GALK1: variants seen among roughly 807,000 people sequenced by gnomAD.
The protein encoded by GALK1 is galactokinase.
GALK1 carries 30 observed loss-of-function variants against 38.6 expected under a neutral mutation model. The observed-to-expected ratio is 0.78, with a 90% confidence interval of 0.58 to 1.05. The LOEUF is 1.05. Among genes scored for constraint, GALK1 ranks in the 50% least tolerant of loss-of-function variants. GALK1 has a pLI of 0.00. For missense variants in GALK1, 512 were observed against 540.5 expected, an observed-to-expected ratio of 0.95 and a Z score of 0.52; for synonymous variants, 240 against 233.6, an observed-to-expected ratio of 1.03 and a Z score of -0.25.
At position 75,765,003 on chromosome 17, in the gene GALK1, G is replaced by C. The variant is rs376599506; in HGVS notation, c.134C>G (p.Thr45Arg). Residue 45 changes from threonine to arginine, a missense_variant, in exon 1 of 8, where the codon ACG (threonine) becomes AGG (arginine). By Grantham distance (71) the Thr-to-Arg change is moderately conservative (BLOSUM62 -1). Coordinates refer to ENST00000588479, the MANE Select transcript of GALK1 (RefSeq NM_000154.2). ...CAGCACCAGGCCCTGGTTGTAGTCC[G>C]TGTGTTCCCCGATGAGGTTGACGCG... ...PGRVNLIGEH[T>R]DYNQGLVLPM... 6.2e-7 allele frequency: 1 copy of C among 1,610,410 alleles called. No homozygotes were observed.
At chr17:75,752,076 G>A in intron 8 of GALK1, 1 of 1,316,886 alleles carries the variant, frequency 7.6e-7, no homozygotes. Context: ...GCCCCTGGGT[G>A]CCATCCAGGG....
In GALK1 at chr17:75,763,122, TG is replaced by T; in HGVS notation, c.502del (p.Gln168ArgfsTer96). The T allele has an allele frequency of 6.2e-7, 1 of 1,612,056 alleles. No homozygotes were observed. The highest frequency in any genetic ancestry group is 2.2e-5 in the East Asian group (1 of 44,878). On this transcript the variant is annotated frameshift_variant, in exon 4 of 8. Coordinates refer to ENST00000588479, the MANE Select transcript of GALK1 (RefSeq NM_000154.2). LOFTEE classifies it high-confidence loss of function. ...GCTGTGCTCGGCCTGCTGACACACCTGGGCGCGGGCAGCTATTGTGCCCGAG... is the reference window on the plus strand; with the variant it reads ...GCTGTGCTCGGCCTGCTGACACACCTGGCGCGGGCAGCTATTGTGCCCGAG... ...PDSGTIAARA[Q>X]VCQQAEHSFA...
downstream of GALK1, chr17:75,753,696 T>C: frequency 1.8e-6 from 2 of 1,097,602 alleles, no homozygotes; most frequent in Non-Finnish European, 1.2e-6. Context: ...CCTACGGCCT[T>C]CCCCCGCCTG....
downstream of GALK1, chr17:75,757,246 G>A (rs754204121): frequency 1.8e-5 from 29 of 1,611,598 alleles, no homozygotes; most frequent in East Asian, 2.2e-5. Flanking sequence ...TCCAGCACCC[G>A]CTGCAAAGCG....
downstream of GALK1, chr17:75,757,230 G>C (rs1315840265): frequency 5.6e-6 from 9 of 1,611,916 alleles, no homozygotes; most frequent in Non-Finnish European, 6.8e-6. Flanking sequence ...AGCCGTGCCG[G>C]GCTCTTCCAG....
At chr17:75,752,689 A>C in intron 8 of GALK1, 3 of 1,401,540 alleles carry the variant, frequency 2.1e-6, no homozygotes, top group Non-Finnish European at 2.0e-6. Flanking sequence ...ATGGAGGTTA[A>C]GGCAGCCTTG....
downstream of GALK1, chr17:75,756,432 A>G (rs2061504589): frequency 1.2e-6 from 2 of 1,612,932 alleles, no homozygotes; most frequent in African/African-American, 1.3e-5. Flanking sequence ...CCCCCAGGTG[A>G]GCTGCATCGG....
At chr17:75,757,626 CT>C, downstream of GALK1, 1 of 1,597,990 alleles carries the variant, frequency 6.3e-7, no homozygotes, top group South Asian at 1.1e-5. Flanking sequence ...GCCTCCTCAG[CT>C]ACTCCATCCT....
rs946718575 is a variant in GALK1, at chr17:75,752,077, C to A, written c.*23-340G>T. 12 of 1,316,172 alleles carry A rather than the reference C, an allele frequency of 9.1e-6. No homozygotes were observed. In the East Asian group the frequency reaches 1.6e-4, roughly 18 times the overall value. The allele number at this position is 1,316,172 out of a possible 1,614,324, so 81.5% of individuals were successfully genotyped here. A position where few individuals can be genotyped will look rare whatever the true frequency, so the allele number is the denominator to read the frequency against. On this transcript the variant is annotated intron_variant, in intron 8 of 8. Coordinates refer to the GALK1 transcript ENST00000225614. ...GCCTTGCTTCCCCAGCCCCTGGGTG[C>A]CATCCAGGGGATGCACGGCCGTCCT... is the stretch of plus-strand genomic sequence containing the variant.
Position 75,764,059 on chromosome 17 carries a change from C to T in GALK1, c.193G>A (p.Gly65Ser), listed in dbSNP as rs2061600011. Residue 65 changes from glycine to serine, a missense_variant, in exon 2 of 8, where the codon GGC becomes AGC. By Grantham distance (56) the Gly-to-Ser change is moderately conservative. Coordinates refer to ENST00000588479, the MANE Select transcript of GALK1 (RefSeq NM_000154.2). ...MALELMTVLV[G>S]SPRKDGLVSL... ...ACCAGCCCATCCTTGCGGGGGCTGC[C>T]CACCAGCACCGTCATGAGCTCCAGA... 2 of 1,590,948 alleles carry T rather than the reference C, an allele frequency of 1.3e-6. No individual in the cohort carries two copies. Among genetic ancestry groups the T allele is most frequent in the Non-Finnish European group, 1.7e-6 (2 of 1,171,162 alleles).
At chr17:75,764,908 C>T in intron 1 of GALK1, 64 bp downstream of exon 1, 1 of 1,549,608 alleles carries the variant, frequency 6.5e-7, no homozygotes, top group East Asian at 2.3e-5. Flanking sequence ...GTCCCCGAGG[C>T]CCGCCCTCCT....
At chr17:75,762,333 G>T (rs115710194) in intron 5 of GALK1, among the ~76,000 whole-genome samples, 1 of 148,020 alleles carries the variant, frequency 6.8e-6, no homozygotes, top group Admixed American at 6.7e-5. Flanking sequence ...AAAAGGGGGT[G>T]GGGGGGGAAA....
At chr17:75,756,963 G>A (rs757316866), downstream of GALK1, 1 of 1,612,768 alleles carries the variant, frequency 6.2e-7, no homozygotes, top group Non-Finnish European at 8.5e-7. Context: ...CGCATTCCGG[G>A]TGGATGGAGA....
chr17:75,758,657 G>GT, intron 5 of GALK1, 58 bp from the exon 6 acceptor site: 1 of 1,543,438 alleles, frequency 6.5e-7, no homozygotes, highest in Non-Finnish European at 8.7e-7. Flanking sequence ...CCCGACGCCT[G>GT]TGAGGACCAG....
chr17:75,752,337 G>A (rs1568380164), intron 8 of GALK1: 14 of 1,612,564 alleles, frequency 8.7e-6, no homozygotes, highest in Non-Finnish European at 1.2e-5. Flanking sequence ...TGGCCACCCA[G>A]CCCAAGAGGC....
At chr17:75,760,162 C>T (rs1313332802) in intron 5 of GALK1, among the ~76,000 whole-genome samples, 1 of 152,050 alleles carries the variant, frequency 6.6e-6, no homozygotes, top group East Asian at 1.9e-4. Context: ...GGTGCAATCA[C>T]AGCTCACTGC....
chr17:75,754,882 G>A (rs187524227), downstream of GALK1: 86 of 1,608,016 alleles, frequency 5.3e-5, no homozygotes, highest in African/African-American at 6.8e-4. Flanking sequence ...CTGGAGCCTC[G>A]GGCTTCTGTC....
chr17:75,758,407 C>G, intron 6 of GALK1, 35 bp from the exon 7 acceptor site: 1 of 1,578,390 alleles, frequency 6.3e-7, no homozygotes, highest in Non-Finnish European at 8.6e-7. Flanking sequence ...GGGCCTGGGC[C>G]GGCCTGTGCC....
chr17:75,752,068 C>T, intron 8 of GALK1: 1 of 1,253,338 alleles, frequency 8.0e-7, no homozygotes, highest in Non-Finnish European at 1.2e-6. Context: ...CTTCCCCAGC[C>T]CCTGGGTGCC....
Sources: allele counts gnomAD v4.1 joint callset (sites outside exome capture counted in the v4.1 genomes callset), GRCh38; gene constraint gnomAD v4.1.1; transcripts MANE v1.5; gene names NCBI Gene and HGNC (gene_info 2026-07-23, HGNC 2026-07-21).